The following LRSAM1 variants were observed in gnomAD, a reference collection of about 807,000 sequenced individuals.
LRSAM1 encodes the protein leucine rich repeat and sterile alpha motif containing 1, also known as E3 ubiquitin-protein ligase LRSAM1.
A neutral mutation model predicts 118.1 loss-of-function variants in LRSAM1; 96 were observed. That is an observed-to-expected ratio of 0.81 (90% CI 0.69 to 0.96). The LOEUF (loss-of-function observed/expected upper bound fraction) is 0.96, where lower values mean the gene tolerates loss of function less well. LRSAM1 is among the 40% of genes least tolerant of loss of function. The pLI, the probability that LRSAM1 is intolerant of heterozygous loss-of-function variation, is 0.00. For synonymous variants in LRSAM1, 322 were observed against 364.2 expected, an observed-to-expected ratio of 0.88 and a Z score of 1.32; for missense variants, 804 against 915.5, an observed-to-expected ratio of 0.88 and a Z score of 1.57.
At chr9:127,502,716 GCCTGGGACT>G in intron 25 of LRSAM1, 49 bp from the exon 26 acceptor site, 1 of 1,496,968 alleles carries the variant, frequency 6.7e-7, no homozygotes, top group East Asian at 2.3e-5. Flanking sequence ...AAAAAGACGG[GCCTGGGACT>G]CCTGGAACCC....
At chr9:127,466,513 T>TTA (rs1834953451) in intron 9 of LRSAM1, among the ~76,000 whole-genome samples, 1 of 86,026 alleles carries the variant, frequency 1.2e-5, no homozygotes, top group African/African-American at 5.4e-5. Flanking sequence ...TATTTTTTTT[T>TTA]TTTTTTTTTT....
intron 18 of LRSAM1, among the ~76,000 whole-genome samples, chr9:127,488,429 T>C (rs1835810897): frequency 6.6e-6 from 1 of 151,944 alleles, no homozygotes; most frequent in African/African-American, 2.4e-5. Flanking sequence ...GCCCAACTAA[T>C]TTTTGTATTT....
intron 5 of LRSAM1, 30 bp from the exon 6 acceptor site, chr9:127,457,286 C>G (rs1323301206): frequency 3.7e-6 from 6 of 1,612,210 alleles, no homozygotes; most frequent in Non-Finnish European, 5.1e-6. Flanking sequence ...TCTTCCTCAG[C>G]CCAGCATGGC....
At chr9:127,483,348 G>A (rs780947115) in intron 16 of LRSAM1, among the ~76,000 whole-genome samples, 10 of 152,062 alleles carry the variant, frequency 6.6e-5, no homozygotes, top group African/African-American at 1.9e-4. Flanking sequence ...TTAGGAAGCC[G>A]AGGCTGGAGG....
At chr9:127,488,584 TTTTTC>T (rs1187104065) in intron 18 of LRSAM1, among the ~76,000 whole-genome samples, 47 of 143,588 alleles carry the variant, frequency 3.3e-4, no homozygotes, top group Non-Finnish European at 4.4e-4. Flanking sequence ...TATTTTCCTT[TTTTTC>T]TTTTCTTTTC....
intron 22 of LRSAM1, among the ~76,000 whole-genome samples, chr9:127,495,713 G>A (rs1836108197): frequency 6.6e-6 from 1 of 152,170 alleles, no homozygotes; most frequent in South Asian, 2.1e-4. Context: ...GGACAGAGAG[G>A]CAGTTGAAAC....
intron 21 of LRSAM1, among the ~76,000 whole-genome samples, chr9:127,493,366 C>T (rs952540693): frequency 1.3e-5 from 2 of 152,180 alleles, no homozygotes; most frequent in African/African-American, 4.8e-5. Flanking sequence ...CTAGCCTCTC[C>T]TGCGGTTTTG....
In LRSAM1 at chr9:127,496,853, T is replaced by C. The variant is rs1836165606; in HGVS notation, c.1831-400T>C. On this transcript the variant is annotated intron_variant, in intron 23 of 25. Transcript: ENST00000300417. ...GCTCAGGCTCTGGAGGCTGAGGGAC[T>C]GTGGGGCTCGTGTGCTGCTGCTGCT... Among the ~76,000 whole-genome samples, 3 of 152,366 alleles carry C rather than the reference T, an allele frequency of 2.0e-5. No individual in the cohort carries two copies. In the South Asian group the frequency reaches 6.2e-4, roughly 32 times the overall value.
chr9:127,477,626 T>C (rs1211597774), intron 11 of LRSAM1, among the ~76,000 whole-genome samples: 2 of 152,082 alleles, frequency 1.3e-5, no homozygotes, highest in African/African-American at 4.8e-5. Context: ...GGTGCGTGCC[T>C]GCAGTCTCAG....
At chr9:127,462,166 G>A (rs1834771810) in intron 8 of LRSAM1, 86 bp from the exon 9 acceptor site, 4 of 1,595,082 alleles carry the variant, frequency 2.5e-6, no homozygotes, top group Non-Finnish European at 3.4e-6. Context: ...GTGCCCTAGA[G>A]GTCAGAGTGG....
At position 127,468,834 on chromosome 9, in the gene LRSAM1, A is replaced by AAAAAAAAAAAAC. The variant is rs1564261092; in HGVS notation, c.619+1009_619+1010insAAAAAACAAAAA. Among the ~76,000 whole-genome samples the AAAAAAAAAAAAC allele has an allele frequency of 3.6e-5, 4 of 110,190 alleles. 1 individual carries two copies. The allele number at this position is 110,190 out of a possible 152,430, so 72.3% of individuals were successfully genotyped here. A position where few individuals can be genotyped will look rare whatever the true frequency, so the allele number is the denominator to read the frequency against. ...ACAAAAAAAAAAAAAAAAAAAAAAA[A>AAAAAAAAAAAAC]AAAAATCAGCCAGGCGTGGTGGCAC... On this transcript the variant is annotated intron_variant, in intron 10 of 25. Transcript: ENST00000300417.
chr9:127,480,777 T>G (rs1835507652), intron 14 of LRSAM1, among the ~76,000 whole-genome samples: 1 of 152,166 alleles, frequency 6.6e-6, no homozygotes, highest in South Asian at 2.1e-4. Flanking sequence ...AACCTCCTTC[T>G]CCCAGGTTCA....
Position 127,503,472 on chromosome 9 carries a change from G to A in LRSAM1, c.*573G>A, listed in dbSNP as rs1836475501. On this transcript the variant is annotated 3_prime_UTR_variant, in exon 26 of 26. Coordinates refer to ENST00000300417, the MANE Select transcript of LRSAM1 (RefSeq NM_001005373.4). ...CCCCATGTAGCTCGATCCGAAGCAGGAGTGTCAATAAACCTGTCTTCAGTG... is the reference window on the plus strand; with the variant it reads ...CCCCATGTAGCTCGATCCGAAGCAGAAGTGTCAATAAACCTGTCTTCAGTG... The A allele has an allele frequency of 6.3e-6, 1 of 157,844 alleles. No homozygotes were observed. Among genetic ancestry groups the A allele is most frequent in the African/African-American group, 2.4e-5 (1 of 41,486 alleles). 9.8% of individuals were successfully genotyped at this position (157,844 alleles called of 1,614,324 possible).
intron 4 of LRSAM1, 42 bp from the exon 5 acceptor site, chr9:127,455,534 T>C (rs911066520): frequency 1.2e-6 from 2 of 1,606,324 alleles, no homozygotes; most frequent in Middle Eastern, 1.7e-4. Flanking sequence ...AGCTAAAAAC[T>C]GGCAGGAGGG....
chr9:127,470,884 A>G (rs1436455929), intron 10 of LRSAM1: 1 of 152,106 alleles, frequency 6.6e-6, no homozygotes, highest in African/African-American at 2.4e-5. Context: ...CTCTCGGCCC[A>G]AAGGCAGTGA....
intron 24 of LRSAM1, 62 bp from the exon 25 acceptor site, chr9:127,500,948 C>G: frequency 6.2e-7 from 1 of 1,611,412 alleles, no homozygotes; most frequent in Non-Finnish European, 8.5e-7. Context: ...CCACAATGAG[C>G]CCCCAGGGGT....
chr9:127,483,067 G>A (rs1435854393), intron 16 of LRSAM1, 47 bp downstream of exon 16: 2 of 1,567,204 alleles, frequency 1.3e-6, no homozygotes, highest in Non-Finnish European at 1.8e-6. Context: ...CTGCTGGCTG[G>A]GCTGGCAGGG....
At chr9:127,482,140 C>CTTTTTTTTTTTTTTTTTTTTT (rs769821359) in intron 15 of LRSAM1, among the ~76,000 whole-genome samples, 2 of 117,944 alleles carry the variant, frequency 1.7e-5, no homozygotes, top group Non-Finnish European at 1.8e-5. Flanking sequence ...TTTAGTATAT[C>CTTTTTTTTTTTTTTTTTTTTT]TTTTTTTTTT....
intron 24 of LRSAM1, among the ~76,000 whole-genome samples, chr9:127,500,554 T>G (rs1449037719): frequency 6.6e-6 from 1 of 152,084 alleles, no homozygotes; most frequent in Non-Finnish European, 1.5e-5. Flanking sequence ...TCCTGTCTCC[T>G]GGGCAACCAG....
Sources: allele counts gnomAD v4.1 joint callset (sites outside exome capture counted in the v4.1 genomes callset), GRCh38; gene constraint gnomAD v4.1.1; transcripts MANE v1.5; gene names NCBI Gene and HGNC (gene_info 2026-07-23, HGNC 2026-07-21).